Variants in RILPL1 observed in about 807,000 individuals in gnomAD.
RILPL1 encodes the protein Rab interacting lysosomal protein like 1, also known as RILP-like protein 1.
RILPL1 carries 33 observed loss-of-function variants against 50.3 expected under a neutral mutation model. That is an observed-to-expected ratio of 0.66 (90% CI 0.50 to 0.88). The LOEUF (loss-of-function observed/expected upper bound fraction) is 0.88, where lower values mean the gene tolerates loss of function less well. Ranked by LOEUF, RILPL1 falls within the 40% of genes least tolerant of loss-of-function variation. The pLI, the probability that RILPL1 is intolerant of heterozygous loss-of-function variation, is 0.00. For synonymous variants in RILPL1, 205 were observed against 228.6 expected (o/e 0.90, Z 0.93); for missense variants, 418 against 542.5 (o/e 0.77, Z 2.28).
intron 2 of RILPL1, among the ~76,000 whole-genome samples, chr12:123,505,420 C>T (rs545325360): frequency 1.3e-5 from 2 of 152,130 alleles, no homozygotes; most frequent in Non-Finnish European, 1.5e-5. Flanking sequence ...ACCTCCCAGG[C>T]TCAAGTGATT....
chr12:123,500,519 A>G (rs184039033), intron 2 of RILPL1, among the ~76,000 whole-genome samples: 1 of 137,836 alleles, frequency 7.3e-6, no homozygotes, highest in Admixed American at 7.3e-5. Flanking sequence ...TCCTGACTTC[A>G]AGTGATCCGC....
chr12:123,475,734 T>A (rs773786878), intron 6 of RILPL1: 2 of 1,589,944 alleles, frequency 1.3e-6, no homozygotes, highest in Non-Finnish European at 8.5e-7. Flanking sequence ...ACCATAGGCA[T>A]TATGGCTGTA....
At chr12:123,524,798 A>G (rs567415827) in intron 1 of RILPL1, among the ~76,000 whole-genome samples, 31 of 152,352 alleles carry the variant, frequency 2.0e-4, no homozygotes, top group Admixed American at 7.2e-4. Context: ...ATGACTGGGA[A>G]TAGGTACGGA....
At chr12:123,499,365 G>T in intron 3 of RILPL1, 53 bp downstream of exon 3, 1 of 1,276,118 alleles carries the variant, frequency 7.8e-7, no homozygotes, top group Non-Finnish European at 1.1e-6. Flanking sequence ...CTGGTCTCTG[G>T]CTGGCACCTA....
rs1158539041 is a variant in RILPL1 at position 123,533,291 on chromosome 12, C to T, written c.192G>A (p.Leu64=). 1 of 1,584,756 alleles carries T rather than the reference C, an allele frequency of 6.3e-7. No individual in the cohort carries two copies. The highest frequency in any genetic ancestry group is 2.3e-5 in the East Asian group (1 of 43,642). The change falls in exon 1 of 7, where the codon CTG becomes CTA. Residue 64 remains leucine, a synonymous_variant. Transcript: ENST00000376874. The surrounding 1 kb of genome is among the most constrained non-coding windows in gnomAD (Gnocchi z 6.2). The part of the protein sequence containing the change: ...MPKVVRVLEI[L]EVLVSRHHVA... ...CGTGGTGGCGGCTGACCAGCACCTC[C>T]AGGATCTCCAGGACGCGCACGACCT...
chr12:123,516,387 C>T (rs986839846), intron 2 of RILPL1, among the ~76,000 whole-genome samples: 3 of 152,244 alleles, frequency 2.0e-5, no homozygotes, highest in Non-Finnish European at 4.4e-5. Context: ...ATTCCAGACT[C>T]CCCAGGGGCT....
chr12:123,485,904 C>A lies in RILPL1; in HGVS notation c.802-99G>T, dbSNP rs1882303003. On this transcript the variant is annotated intron_variant, in intron 4 of 6. Transcript: ENST00000376874. The surrounding 1 kb of genome is among the most constrained non-coding windows in gnomAD (Gnocchi z 4.0). The stretch of plus-strand genomic sequence containing the variant: ...CCCAAATTCTCCCCCTCCCGGGGTG[C>A]CAGCAGCCTGTGGAGGGTGCTATTT... 3 of 1,264,266 alleles carry A rather than the reference C, an allele frequency of 2.4e-6. No homozygotes were observed. The highest frequency in any genetic ancestry group is 3.2e-6 in the Non-Finnish European group (3 of 941,926). The allele number at this position is 1,264,266 out of a possible 1,614,324, so 78.3% of individuals were successfully genotyped here.
At chr12:123,509,017 G>A (rs144924334) in intron 2 of RILPL1, among the ~76,000 whole-genome samples, 2 of 152,208 alleles carry the variant, frequency 1.3e-5, no homozygotes, top group East Asian at 3.9e-4. Context: ...GAAACCTCTC[G>A]TCTCTACTAA....
rs543912351 is a variant in RILPL1, at chr12:123,482,256, T to C, written c.1067+1924A>G. The stretch of plus-strand genomic sequence containing the variant: ...TACTGAATCCATGATCTAAATGGTG[T>C]TGGGATCTAGAGGAAGCTTTTCTGG... On this transcript the variant is annotated intron_variant, in intron 6 of 6. Coordinates refer to ENST00000376874, the MANE Select transcript of RILPL1 (RefSeq NM_178314.5). 3.3e-5 allele frequency among the ~76,000 whole-genome samples: 5 copies of C among 152,246 alleles called. No homozygotes were observed. The South Asian group carries it at 1.0e-3, about 32-fold the overall frequency.
intron 6 of RILPL1, among the ~76,000 whole-genome samples, chr12:123,479,252 T>C (rs1250696085): frequency 6.6e-6 from 1 of 152,104 alleles, no homozygotes; most frequent in East Asian, 1.9e-4. Context: ...TCTGGGTCCC[T>C]GACAGGATGG....
intron 4 of RILPL1, among the ~76,000 whole-genome samples, chr12:123,492,398 A>T (rs1593550575): frequency 6.6e-6 from 1 of 152,174 alleles, no homozygotes; most frequent in African/African-American, 2.4e-5. Flanking sequence ...CACAGAGGGA[A>T]ACAGCCTGCT....
rs1000391042 is a variant in RILPL1 at position 123,522,646 on chromosome 12, C to G, written c.460+849G>C. ...CATCTTACTGTCGCTCAGGCTGTAG[C>G]GCAGTGGTATGATCTCAGCTCACTG... is the stretch of plus-strand genomic sequence containing the variant. On this transcript the variant is annotated intron_variant, in intron 2 of 6. Coordinates refer to ENST00000376874, the MANE Select transcript of RILPL1 (RefSeq NM_178314.5). This position sits in a 1 kb window ranked among gnomAD's most constrained non-coding sequence, Gnocchi z 4.0. 6.6e-6 allele frequency among the ~76,000 whole-genome samples: 1 copy of G among 152,200 alleles called. No homozygotes were observed. The highest frequency in any genetic ancestry group is 1.9e-4 in the East Asian group (1 of 5,180).
At position 123,533,335 on chromosome 12, in the gene RILPL1, TG is replaced by T; in HGVS notation, c.147del (p.Ile50SerfsTer85). 1 of 1,582,600 alleles carries T rather than the reference TG, an allele frequency of 6.3e-7. No homozygotes were observed. Among genetic ancestry groups the T allele is most frequent in the Non-Finnish European group, 8.6e-7 (1 of 1,167,198 alleles). Reference protein sequence around the residue: ...ERVIDQHGCEAIARLMPKVVR... With the variant: ...ERVIDQHGCEXIARLMPKVVR... ...ACGACCTTGGGCATGAGGCGCGCGATGGCCTCGCAGCCGTGCTGGTCAATGA... is the reference window on the plus strand; with the variant it reads ...ACGACCTTGGGCATGAGGCGCGCGATGCCTCGCAGCCGTGCTGGTCAATGA... On this transcript the variant is annotated frameshift_variant, in exon 1 of 7. Transcript: ENST00000376874. LOFTEE classifies it high-confidence loss of function. This position sits in a 1 kb window ranked among gnomAD's most constrained non-coding sequence, Gnocchi z 6.2.
chr12:123,521,637 A>G (rs1294125824), intron 2 of RILPL1, among the ~76,000 whole-genome samples: 2 of 17,548 alleles, frequency 1.1e-4, no homozygotes, highest in Admixed American at 8.8e-4. Context: ...ATACACACAT[A>G]TGTGTATATA....
intron 6 of RILPL1, among the ~76,000 whole-genome samples, chr12:123,480,115 C>T (rs1275984130): frequency 6.7e-6 from 1 of 149,698 alleles, no homozygotes; most frequent in Non-Finnish European, 1.5e-5. Context: ...GCTCTGAATG[C>T]AGTACATTGG....
At chr12:123,479,925 T>G (rs1290489548) in intron 6 of RILPL1, among the ~76,000 whole-genome samples, 1 of 152,154 alleles carries the variant, frequency 6.6e-6, no homozygotes, top group Non-Finnish European at 1.5e-5. Flanking sequence ...GCAGAAGAAC[T>G]AGTGGAAAGA....
At chr12:123,525,027 G>A (rs2139388094) in intron 1 of RILPL1, among the ~76,000 whole-genome samples, 1 of 152,272 alleles carries the variant, frequency 6.6e-6, no homozygotes, top group East Asian at 1.9e-4. Context: ...AGCTACTCGG[G>A]AGGCTGAGGC....
chr12:123,512,685 GGTGT>G (rs1207482675), intron 2 of RILPL1, among the ~76,000 whole-genome samples: 1 of 140,664 alleles, frequency 7.1e-6, no homozygotes, highest in Non-Finnish European at 1.5e-5. Context: ...GTCTGTGTGT[GGTGT>G]GTGAGGTTTG....
Position 123,489,008 on chromosome 12 carries a change from C to T in RILPL1, c.802-3203G>A, listed in dbSNP as rs916574504. On this transcript the variant is annotated intron_variant, in intron 4 of 6. Transcript: ENST00000376874. The surrounding 1 kb of genome is among the most constrained non-coding windows in gnomAD (Gnocchi z 4.0). ...GGAACCACCCGGCAGCCACACACTC[C>T]ATGTCTCCACCCAAGACCACATACA... Among the ~76,000 whole-genome samples the T allele has an allele frequency of 2.0e-5, 3 of 152,184 alleles. No individual in the cohort carries two copies. The highest frequency in any genetic ancestry group is 7.2e-5 in the African/African-American group (3 of 41,454).
Sources: gnomAD v4.1 joint callset for allele counts (sites outside exome capture counted in the v4.1 genomes callset) on GRCh38, gnomAD v4.1.1 for gene constraint, Gnocchi (gnomAD v3.1) non-coding constraint, MANE v1.5 for transcripts, NCBI Gene and HGNC (gene_info 2026-07-23, HGNC 2026-07-21) for gene names.